The following LINGO2 variants were observed in gnomAD, a reference collection of about 807,000 sequenced individuals.
LINGO2 encodes the protein leucine rich repeat and Ig domain containing 2, also known as leucine-rich repeat and immunoglobulin-like domain-containing nogo receptor-interacting protein 2.
Under a neutral mutation model 30.6 loss-of-function variants are expected in LINGO2, and 14 were observed. The observed-to-expected ratio is 0.46, with a 90% CI of 0.30 to 0.72. The LOEUF (loss-of-function observed/expected upper bound fraction) is 0.72. Among genes scored for constraint, LINGO2 ranks in the 30% least tolerant of loss-of-function variants. The probability of loss-of-function intolerance (pLI) is 0.07; values close to 1 mark genes in which losing one functional copy is unlikely to be tolerated. For missense variants in LINGO2, 729 were observed against 751.7 expected, an observed-to-expected ratio of 0.97 and a Z score of 0.35; for synonymous variants, 317 against 288.5, an observed-to-expected ratio of 1.10 and a Z score of -1.00.
At chr9:28,921,394 A>C in the LINGO2 span, among the ~76,000 whole-genome samples, 1 of 152,106 alleles carries the variant, frequency 6.6e-6, no homozygotes, top group Non-Finnish European at 1.5e-5. Context: ...GACCAATCAG[A>C]GTCTTGAAGT....
At chr9:28,724,450 T>C in the LINGO2 span, among the ~76,000 whole-genome samples, 51 of 152,290 alleles carry the variant, frequency 3.3e-4, no homozygotes, top group African/African-American at 1.1e-3. Flanking sequence ...TTTACCCAAC[T>C]TGAAGTTATA....
the LINGO2 span, among the ~76,000 whole-genome samples, chr9:29,003,423 T>C: frequency 6.6e-6 from 1 of 151,916 alleles, no homozygotes; most frequent in Admixed American, 6.6e-5. Flanking sequence ...CTACCACTTT[T>C]ACAGGTGTGT....
At chr9:28,232,518 TATG>T (rs1452470511) in intron 4 of LINGO2, among the ~76,000 whole-genome samples, 1 of 150,498 alleles carries the variant, frequency 6.6e-6, no homozygotes, top group Non-Finnish European at 1.5e-5. Flanking sequence ...CTGTATACAA[TATG>T]ATGTTTTGTT....
chr9:27,955,641 CTTTT>C (rs1051995383), intron 5 of LINGO2, among the ~76,000 whole-genome samples: 1 of 150,556 alleles, frequency 6.6e-6, no homozygotes, highest in Non-Finnish European at 1.5e-5. Flanking sequence ...GTAGTTTGTT[CTTTT>C]TTTATGTCTG....
intron 1 of LINGO2, among the ~76,000 whole-genome samples, chr9:28,578,043 C>A (rs116184476): frequency 6.6e-6 from 1 of 152,200 alleles, no homozygotes; most frequent in African/African-American, 2.4e-5. Flanking sequence ...GGCAATGGTG[C>A]AGGAAAGTAC....
At chr9:28,786,264 A>T in the LINGO2 span, among the ~76,000 whole-genome samples, 2 of 152,186 alleles carry the variant, frequency 1.3e-5, no homozygotes, top group South Asian at 4.2e-4. Context: ...CTACCATGAC[A>T]CCTCCTTAAT....
chr9:28,199,332 C>G (rs1455227670), intron 4 of LINGO2, among the ~76,000 whole-genome samples: 3 of 138,646 alleles, frequency 2.2e-5, no homozygotes, highest in Admixed American at 1.4e-4. Flanking sequence ...TCTTCTTCTT[C>G]TTCTTCTTCT....
the LINGO2 span, among the ~76,000 whole-genome samples, chr9:28,907,308 A>G: frequency 2.6e-5 from 4 of 151,994 alleles, no homozygotes; most frequent in Admixed American, 6.6e-5. Flanking sequence ...TATGAGAATG[A>G]GTGTGGCTAA....
At chr9:28,623,857 T>G (rs1274910195) in intron 1 of LINGO2, among the ~76,000 whole-genome samples, 3 of 152,102 alleles carry the variant, frequency 2.0e-5, no homozygotes, top group Non-Finnish European at 4.4e-5. Context: ...TTTTGTATCC[T>G]CTTCAATTTC....
chr9:28,620,543 C>A (rs1826343485), intron 1 of LINGO2, among the ~76,000 whole-genome samples: 1 of 152,052 alleles, frequency 6.6e-6, no homozygotes, highest in Non-Finnish European at 1.5e-5. Flanking sequence ...GAAGCAGTCA[C>A]AGTTTGTCAT....
At chr9:29,163,070 C>T in the LINGO2 span, among the ~76,000 whole-genome samples, 12 of 152,188 alleles carry the variant, frequency 7.9e-5, no homozygotes, top group East Asian at 3.9e-4. Context: ...GAACTTGTGA[C>T]GGCATAAATC....
chr9:28,201,028 T>G (rs1440312259), intron 4 of LINGO2, among the ~76,000 whole-genome samples: 2 of 151,948 alleles, frequency 1.3e-5, no homozygotes, highest in African/African-American at 2.4e-5. Flanking sequence ...GCCTCCTTAA[T>G]TCAAAATCAT....
In LINGO2 at chr9:28,055,020, C is replaced by T. The variant is rs150159041; in HGVS notation, c.-86-42615G>A. On this transcript the variant is annotated intron_variant, in intron 4 of 5. Transcript: ENST00000379992. ...AATTTGCTTTCTGATTAAAACAAAA[C>T]GCACAAACTTGCAAAAAAAATATAT... Among the ~76,000 whole-genome samples the T allele has an allele frequency of 1.6e-3, 240 of 145,714 alleles. 3 individuals are homozygous for T. Among genetic ancestry groups the T allele is most frequent in the African/African-American group, 5.8e-3 (230 of 39,332 alleles).
At chr9:28,810,230 T>C in the LINGO2 span, among the ~76,000 whole-genome samples, 1 of 152,164 alleles carries the variant, frequency 6.6e-6, no homozygotes, top group African/African-American at 2.4e-5. Context: ...CTGAGATGTG[T>C]TTTATTTGCA....
intron 4 of LINGO2, among the ~76,000 whole-genome samples, chr9:28,087,795 G>C (rs895490271): frequency 1.3e-5 from 2 of 151,944 alleles, no homozygotes; most frequent in Non-Finnish European, 2.9e-5. Flanking sequence ...TTCCAGATTT[G>C]TGTGTTCACA....
At chr9:28,521,876 G>A (rs994549193) in intron 1 of LINGO2, among the ~76,000 whole-genome samples, 2 of 152,120 alleles carry the variant, frequency 1.3e-5, no homozygotes, top group African/African-American at 4.8e-5. Flanking sequence ...ATGTGAAGGT[G>A]GAGACAGGTT....
At chr9:28,460,436 T>C (rs1453851517) in intron 2 of LINGO2, among the ~76,000 whole-genome samples, 1 of 152,162 alleles carries the variant, frequency 6.6e-6, no homozygotes, top group Non-Finnish European at 1.5e-5. Flanking sequence ...TATTTCCCAA[T>C]ACTAAAAACT....
chr9:28,827,638 A>G, the LINGO2 span, among the ~76,000 whole-genome samples: 3 of 152,170 alleles, frequency 2.0e-5, no homozygotes, highest in Admixed American at 6.5e-5. Flanking sequence ...TTACACAAAC[A>G]TGAGAGTGAT....
rs149361029 is a variant in LINGO2, at chr9:27,978,449, G to A, written c.-35-27743C>T. ...CTTCGAGAAGTGTTTAGGTCATGAG[G>A]GTGAAGTCCTAATGAATGGGTTTAT... On this transcript the variant is annotated intron_variant, in intron 5 of 5. Coordinates refer to ENST00000379992, the Ensembl canonical transcript of LINGO2. Among the ~76,000 whole-genome samples, 168 of 152,078 alleles carry A rather than the reference G, an allele frequency of 1.1e-3. No homozygotes were observed. In the Middle Eastern group the frequency reaches 0.017, roughly 15 times the overall value.
Sources: gnomAD v4.1 joint callset for allele counts (sites outside exome capture counted in the v4.1 genomes callset) on GRCh38, gnomAD v4.1.1 for gene constraint, MANE v1.5 for transcripts, NCBI Gene and HGNC (gene_info 2026-07-23, HGNC 2026-07-21) for gene names.